The following SPATA6 variants were observed in gnomAD, a reference collection of about 807,000 sequenced individuals.
SPATA6 encodes spermatogenesis associated 6.
A neutral mutation model predicts 65.3 loss-of-function variants in SPATA6; 56 were observed. The ratio of observed to expected loss-of-function variants is 0.86; its 90% CI spans 0.69 to 1.07. The LOEUF (loss-of-function observed/expected upper bound fraction) is 1.07. Among genes scored for constraint, SPATA6 ranks in the 50% least tolerant of loss-of-function variants. The pLI is 0.00. For missense variants in SPATA6, 590 were observed against 594.8 expected (o/e 0.99, Z 0.08); for synonymous variants, 199 against 213.2 (o/e 0.93, Z 0.58).
At chr1:48,432,815 G>A (rs1051187093) in intron 3 of SPATA6, among the ~76,000 whole-genome samples, 1 of 152,132 alleles carries the variant, frequency 6.6e-6, no homozygotes, top group African/African-American at 2.4e-5. Flanking sequence ...ATCACAAACA[G>A]ATATCTGTAC....
At chr1:48,325,382 T>G (rs1645726775) in intron 11 of SPATA6, 1 of 1,375,588 alleles carries the variant, frequency 7.3e-7, no homozygotes, top group African/African-American at 1.4e-5. Flanking sequence ...TTCTCCCTGA[T>G]TCCTCCAGGC....
chr1:48,432,611 A>G (rs1414788440), intron 3 of SPATA6, among the ~76,000 whole-genome samples: 1 of 152,234 alleles, frequency 6.6e-6, no homozygotes, highest in Non-Finnish European at 1.5e-5. Context: ...TGAAAGGGCT[A>G]TCAAAACAAC....
At position 48,297,984 on chromosome 1, in the gene SPATA6, T is replaced by C. The variant is rs1222641341; in HGVS notation, c.*729A>G. 1 of 152,168 alleles carries C rather than the reference T, an allele frequency of 6.6e-6. No homozygotes were observed. The highest frequency in any genetic ancestry group is 1.9e-4 in the East Asian group (1 of 5,192). The allele number at this position is 152,168 out of a possible 1,614,324, so 9.4% of individuals were successfully genotyped here. ...AACAGAGGCCATTTTCTGATTCTGG[T>C]TGCACCAAAAGGTATGGCCCTAGAA... On this transcript the variant is annotated 3_prime_UTR_variant, in exon 13 of 13. Transcript: ENST00000371847.
At chr1:48,441,097 C>A (rs1024512558) in intron 3 of SPATA6, among the ~76,000 whole-genome samples, 1 of 152,170 alleles carries the variant, frequency 6.6e-6, no homozygotes, top group Non-Finnish European at 1.5e-5. Context: ...GTCCACTACA[C>A]CAAGGCAATC....
In SPATA6 at chr1:48,442,736, A is replaced by AAACAAC. The variant is rs1054076963; in HGVS notation, c.238+8815_238+8816insGTTGTT. 6.7e-5 allele frequency among the ~76,000 whole-genome samples: 10 copies of AAACAAC among 149,936 alleles called. No homozygotes were observed. The East Asian group carries it at 7.9e-4, about 12-fold the overall frequency. ...AAGTAGTAAAAAAAAAAAAAAAAAA[A>AAACAAC]AAAAAAAAACAGTGTACCCTATTCC... On this transcript the variant is annotated intron_variant, in intron 3 of 12. Transcript: ENST00000371847.
At chr1:48,354,764 A>T (rs1646609708) in intron 11 of SPATA6, among the ~76,000 whole-genome samples, 2 of 151,932 alleles carry the variant, frequency 1.3e-5, no homozygotes, top group South Asian at 4.1e-4. Flanking sequence ...TAATGTTTAC[A>T]CTTGGAATAG....
chr1:48,325,857 G>A, intron 11 of SPATA6: 2 of 375,458 alleles, frequency 5.3e-6, no homozygotes, highest in East Asian at 6.1e-5. Flanking sequence ...TGTGTGTACT[G>A]TTGAGATCTA....
the SPATA6 span, among the ~76,000 whole-genome samples, chr1:48,289,020 G>GA: frequency 6.6e-6 from 1 of 152,354 alleles, no homozygotes; most frequent in East Asian, 1.9e-4. Flanking sequence ...CACAGAGTTT[G>GA]AGATCTGAGA....
At chr1:48,305,924 C>A (rs1645051299) in intron 11 of SPATA6, 46 bp from the exon 12 acceptor site, 1 of 1,402,158 alleles carries the variant, frequency 7.1e-7, no homozygotes, top group African/African-American at 1.4e-5. Flanking sequence ...CTCATTGTCC[C>A]CAAAATGATG....
At chr1:48,446,099 TA>T (rs1656028757) in intron 3 of SPATA6, among the ~76,000 whole-genome samples, 1 of 152,086 alleles carries the variant, frequency 6.6e-6, no homozygotes, top group Non-Finnish European at 1.5e-5. Flanking sequence ...AAAAAGAATT[TA>T]AAATAATATA....
intron 11 of SPATA6, among the ~76,000 whole-genome samples, chr1:48,336,627 T>C (rs1646067892): frequency 6.6e-6 from 1 of 151,302 alleles, no homozygotes; most frequent in Non-Finnish European, 1.5e-5. Flanking sequence ...TGGGGCCTCC[T>C]CGAGGGAGGA....
chr1:48,364,094 T>C (rs1284787553), intron 9 of SPATA6, among the ~76,000 whole-genome samples: 1 of 152,166 alleles, frequency 6.6e-6, no homozygotes, highest in Non-Finnish European at 1.5e-5. Context: ...GAATGATGAT[T>C]TCCAATTTCA....
chr1:48,282,386 A>G, the SPATA6 span, among the ~76,000 whole-genome samples: 1 of 152,236 alleles, frequency 6.6e-6, no homozygotes, highest in South Asian at 2.1e-4. Flanking sequence ...CTACCATCAG[A>G]GTAAACAGGC....
At chr1:48,397,349 C>T (rs577473474) in intron 7 of SPATA6, among the ~76,000 whole-genome samples, 2 of 151,576 alleles carry the variant, frequency 1.3e-5, no homozygotes, top group African/African-American at 2.4e-5. Flanking sequence ...GGTAAACTTA[C>T]GTATATTCTA....
intron 1 of SPATA6, among the ~76,000 whole-genome samples, chr1:48,457,188 C>G (rs1657068464): frequency 1.3e-5 from 2 of 152,060 alleles, no homozygotes; most frequent in Non-Finnish European, 2.9e-5. Context: ...TCCCAGCACT[C>G]TGGGAGGCCC....
chr1:48,340,127 G>A (rs1036265334), intron 11 of SPATA6, among the ~76,000 whole-genome samples: 3 of 149,482 alleles, frequency 2.0e-5, no homozygotes, highest in African/African-American at 7.4e-5. Flanking sequence ...AGTGTAGGAA[G>A]AAAAACAGCT....
At chr1:48,325,633 A>AG in intron 11 of SPATA6, 2 of 710,784 alleles carry the variant, frequency 2.8e-6, no homozygotes, top group Non-Finnish European at 5.1e-6. Flanking sequence ...ATGTCAGGTT[A>AG]TCAAGCTTAG....
At chr1:48,416,730 C>A (rs550099449) in intron 3 of SPATA6, among the ~76,000 whole-genome samples, 1 of 152,210 alleles carries the variant, frequency 6.6e-6, no homozygotes, top group South Asian at 2.1e-4. Flanking sequence ...AGAAAAACGA[C>A]AGGCAATCTA....
intron 9 of SPATA6, among the ~76,000 whole-genome samples, chr1:48,381,905 C>A (rs1162258428): frequency 7.9e-6 from 1 of 126,482 alleles, no homozygotes. Flanking sequence ...GTGGTGATGA[C>A]TCTTAACGAG....
Sources: gnomAD v4.1 joint callset for allele counts (sites outside exome capture counted in the v4.1 genomes callset) on GRCh38, gnomAD v4.1.1 for gene constraint, MANE v1.5 for transcripts, NCBI Gene and HGNC (gene_info 2026-07-23, HGNC 2026-07-21) for gene names.